The following CHEK1 variants were observed in gnomAD, a reference collection of about 807,000 sequenced individuals.
The protein encoded by CHEK1 is serine/threonine-protein kinase Chk1.
A neutral mutation model predicts 60.2 loss-of-function variants in CHEK1; 32 were observed. The observed-to-expected ratio is 0.53, with a 90% CI of 0.40 to 0.71. The LOEUF is 0.71. Ranked by LOEUF, CHEK1 falls within the 30% of genes least tolerant of loss-of-function variation. The pLI, the probability that CHEK1 is intolerant of heterozygous loss-of-function variation, is 0.00. For synonymous variants in CHEK1, 179 were observed against 187.2 expected (o/e 0.96, Z 0.36); for missense variants, 399 against 564.6 (o/e 0.71, Z 2.97).
At position 125,656,919 on chromosome 11, in the gene CHEK1, G is replaced by A; in HGVS notation, c.*1599G>A. 4.9e-6 allele frequency: 1 copy of A among 205,178 alleles called. No homozygotes were observed. 12.7% of individuals were successfully genotyped at this position (205,178 alleles called of 1,614,324 possible). On this transcript the variant is annotated 3_prime_UTR_variant, in exon 13 of 13. Coordinates refer to ENST00000438015, the MANE Select transcript of CHEK1 (RefSeq NM_001114122.3). ...GATTAGCTCTGACATTTATTTATCT[G>A]AACACTGGTAATTGCCTCAGTAAAG... is the stretch of plus-strand genomic sequence containing the variant.
exon 14 of CHEK1, chr11:125,676,037 A>G: frequency 4.7e-6 from 1 of 212,284 alleles, no homozygotes; most frequent in Non-Finnish European, 9.6e-6. Context: ...CCTTCCAAGT[A>G]GCTGGGATTA....
intron 8 of CHEK1, chr11:125,643,201 C>G (rs756104024): frequency 6.6e-6 from 1 of 152,234 alleles, no homozygotes; most frequent in Non-Finnish European, 1.5e-5. Flanking sequence ...TGGCCTGGGC[C>G]GGGCGCAGTG....
intron 8 of CHEK1, among the ~76,000 whole-genome samples, chr11:125,640,831 G>A (rs1379397534): frequency 2.0e-5 from 3 of 152,134 alleles, no homozygotes; most frequent in Admixed American, 6.5e-5. Flanking sequence ...GTTCACGCCT[G>A]TAATCCCAGC....
At chr11:125,678,997 TAGACACACACAC>T (rs1942662896), downstream of CHEK1, among the ~76,000 whole-genome samples, 1 of 142,288 alleles carries the variant, frequency 7.0e-6, no homozygotes. Context: ...TATATATATA[TAGACACACACAC>T]ATATATGAAT....
intron 11 of CHEK1, among the ~76,000 whole-genome samples, chr11:125,646,806 G>A (rs968981571): frequency 7.2e-5 from 11 of 152,046 alleles, no homozygotes; most frequent in African/African-American, 2.2e-4. Flanking sequence ...TAACTGGCTT[G>A]TTTTTATTGT....
At chr11:125,680,011 G>T (rs1361174883), downstream of CHEK1, among the ~76,000 whole-genome samples, 7 of 152,224 alleles carry the variant, frequency 4.6e-5, no homozygotes, top group Non-Finnish European at 8.8e-5. Context: ...TATAGTTTAT[G>T]ACTCGTGTCA....
At chr11:125,668,368 CATT>C (rs1253308169) in intron 13 of CHEK1, among the ~76,000 whole-genome samples, 1 of 152,144 alleles carries the variant, frequency 6.6e-6, no homozygotes, top group Non-Finnish European at 1.5e-5. Flanking sequence ...CATGTTCTCA[CATT>C]ATTGGGTTCA....
At chr11:125,649,071 G>A (rs934915715) in intron 11 of CHEK1, among the ~76,000 whole-genome samples, 4 of 152,062 alleles carry the variant, frequency 2.6e-5, no homozygotes, top group African/African-American at 9.7e-5. Flanking sequence ...CCTGAGTAGT[G>A]GGTACTACAG....
At chr11:125,636,880 C>G (rs561858637) in intron 7 of CHEK1, among the ~76,000 whole-genome samples, 1 of 152,154 alleles carries the variant, frequency 6.6e-6, no homozygotes, top group East Asian at 1.9e-4. Flanking sequence ...GGTCTTCTAC[C>G]TCTACTATTT....
chr11:125,626,916 G>A (rs1940638770), intron 2 of CHEK1, 83 bp downstream of exon 2: 4 of 1,429,610 alleles, frequency 2.8e-6, no homozygotes, highest in East Asian at 4.6e-5. Context: ...TTAGAAAGTA[G>A]ATGTTTGAGA....
downstream of CHEK1, among the ~76,000 whole-genome samples, chr11:125,659,342 T>G (rs1316200651): frequency 1.3e-5 from 2 of 152,144 alleles, no homozygotes; most frequent in Non-Finnish European, 2.9e-5. Context: ...ATGATTTTCT[T>G]AAGTCTAGAT....
At chr11:125,649,943 A>G (rs923220954) in intron 11 of CHEK1, 6 of 152,068 alleles carry the variant, frequency 3.9e-5, no homozygotes, top group Non-Finnish European at 8.8e-5. Flanking sequence ...TCAGCTGTTA[A>G]TCTTACTGAG....
intron 13 of CHEK1, among the ~76,000 whole-genome samples, chr11:125,667,432 A>G (rs750810703): frequency 1.3e-5 from 2 of 152,106 alleles, no homozygotes; most frequent in African/African-American, 2.4e-5. Context: ...CTGGAACACT[A>G]TTGGTTTATA....
rs942597879 is a variant in CHEK1, at chr11:125,637,456, G to A, written c.726G>A (p.Leu242=). ...KKIDSAPLAL[L]HKILVENPSA... is the part of the protein sequence containing the mutation. ...CGTAATGTTTGTTTTTAGCTCTGCT[G>A]CATAAAATCTTAGTTGAGAATCCAT... The change falls in exon 8 of 13, where the codon CTG becomes CTA. Residue 242 remains leucine, a synonymous_variant. Transcript: ENST00000438015. 1.1e-5 allele frequency: 18 copies of A among 1,602,518 alleles called. No individual in the cohort carries two copies. Among genetic ancestry groups the A allele is most frequent in the Non-Finnish European group, 1.4e-5 (17 of 1,174,162 alleles).
At chr11:125,664,596 C>A (rs1258647050) in intron 13 of CHEK1, among the ~76,000 whole-genome samples, 5 of 152,060 alleles carry the variant, frequency 3.3e-5, no homozygotes, top group Non-Finnish European at 7.4e-5. Flanking sequence ...CTGTTCAGTT[C>A]TTTTGCCCAT....
At chr11:125,660,478 A>G (rs1941992361), downstream of CHEK1, among the ~76,000 whole-genome samples, 1 of 152,072 alleles carries the variant, frequency 6.6e-6, no homozygotes, top group South Asian at 2.1e-4. Context: ...TTCCTGCCTC[A>G]GTCTCCCAAC....
chr11:125,641,135 C>T (rs1255472234), intron 8 of CHEK1, among the ~76,000 whole-genome samples: 1 of 152,160 alleles, frequency 6.6e-6, no homozygotes, highest in East Asian at 1.9e-4. Flanking sequence ...TTCAGGCATC[C>T]ACTTGAACAT....
downstream of CHEK1, chr11:125,677,885 A>G (rs1942594527): frequency 2.5e-6 from 4 of 1,613,728 alleles, no homozygotes; most frequent in Non-Finnish European, 3.4e-6. Context: ...CCTGCTCACC[A>G]GAAGGCTGTT....
downstream of CHEK1, among the ~76,000 whole-genome samples, chr11:125,661,265 C>T (rs1298004449): frequency 2.0e-5 from 3 of 151,736 alleles, no homozygotes; most frequent in East Asian, 5.8e-4. Context: ...ACTGGATTTG[C>T]ATTCTTTTCT....
Sources: gnomAD v4.1 joint callset for allele counts (sites outside exome capture counted in the v4.1 genomes callset) on GRCh38, gnomAD v4.1.1 for gene constraint, MANE v1.5 for transcripts, NCBI Gene and HGNC (gene_info 2026-07-23, HGNC 2026-07-21) for gene names.